Variants in CTNNA2 observed in about 807,000 individuals in gnomAD.
The protein encoded by CTNNA2 is catenin alpha 2.
A neutral mutation model predicts 101.0 loss-of-function variants in CTNNA2; 42 were observed. The ratio of observed to expected loss-of-function variants is 0.42; its 90% CI spans 0.32 to 0.54. CTNNA2 has a LOEUF of 0.54. Ranked by LOEUF, CTNNA2 falls within the 20% of genes least tolerant of loss-of-function variation. The pLI is 0.14. For synonymous variants in CTNNA2, 450 were observed against 456.4 expected (o/e 0.99, Z 0.18); for missense variants, 871 against 1,223.1 (o/e 0.71, Z 4.29).
intron 7 of CTNNA2, among the ~76,000 whole-genome samples, chr2:80,340,189 A>G (rs1272239163): frequency 6.6e-6 from 1 of 152,208 alleles, no homozygotes; most frequent in Admixed American, 6.5e-5. Flanking sequence ...GATAATAACT[A>G]TAATCTATGG....
At chr2:79,638,150 A>G (rs144358922) in intron 1 of CTNNA2, among the ~76,000 whole-genome samples, 2 of 152,344 alleles carry the variant, frequency 1.3e-5, no homozygotes, top group African/African-American at 4.8e-5. Context: ...TGTTCAGTGG[A>G]ATCATTGTTG....
intron 9 of CTNNA2, among the ~76,000 whole-genome samples, chr2:80,511,677 A>G (rs576237361): frequency 5.3e-5 from 8 of 152,336 alleles, no homozygotes; most frequent in African/African-American, 1.9e-4. Context: ...TATAGTTTAC[A>G]TAATCTGGTA....
At chr2:80,288,580 A>C (rs1674972252) in intron 7 of CTNNA2, 1 of 152,158 alleles carries the variant, frequency 6.6e-6, no homozygotes, top group South Asian at 2.1e-4. Flanking sequence ...ACCCCACCAC[A>C]CATAAACCAG....
chr2:80,609,407 A>G (rs1006911377), intron 17 of CTNNA2, among the ~76,000 whole-genome samples: 20 of 151,772 alleles, frequency 1.3e-4, no homozygotes, highest in Non-Finnish European at 4.4e-5. Context: ...CCATCTGGAA[A>G]GCCTGTTTCA....
Position 80,045,522 on chromosome 2 carries a change from CTAAA to C in CTNNA2, c.1056+135733_1056+135736del, listed in dbSNP as rs1480836724. Among the ~76,000 whole-genome samples, 3 of 152,164 alleles carry C rather than the reference CTAAA, an allele frequency of 2.0e-5. No homozygotes were observed. In the East Asian group the frequency reaches 5.8e-4, roughly 29 times the overall value. On this transcript the variant is annotated intron_variant, in intron 7 of 18. Coordinates refer to ENST00000402739, the MANE Select transcript of CTNNA2 (RefSeq NM_001282597.3). Reference sequence around the variant, plus strand: ...AGGATTTTGCAAGAATTTTGTCACACTAAATAAATAATTACAGTGAACCGCAAGT... The same window carrying C: ...AGGATTTTGCAAGAATTTTGTCACACTAAATAATTACAGTGAACCGCAAGT...
At chr2:80,000,902 A>C (rs1426129778) in intron 7 of CTNNA2, among the ~76,000 whole-genome samples, 2 of 152,148 alleles carry the variant, frequency 1.3e-5, no homozygotes, top group Non-Finnish European at 2.9e-5. Flanking sequence ...CTGCCCATTG[A>C]GATTTCAGTA....
In CTNNA2 at chr2:80,213,641, G is replaced by T. The variant is rs1388707386; in HGVS notation, c.1057-179570G>T. ...GGAGTGCTTTACTTCCAACTGTGTG[G>T]TCAATTTTGGAATAAGTGTGGTGTG... is the stretch of plus-strand genomic sequence containing the variant. On this transcript the variant is annotated intron_variant, in intron 7 of 18. Transcript: ENST00000402739. 2.0e-5 allele frequency among the ~76,000 whole-genome samples: 3 copies of T among 152,174 alleles called. No homozygotes were observed. In the South Asian group the frequency reaches 6.2e-4, roughly 32 times the overall value.
intron 4 of CTNNA2, among the ~76,000 whole-genome samples, chr2:79,434,010 A>C (rs542458628): frequency 3.9e-5 from 6 of 152,260 alleles, no homozygotes; most frequent in African/African-American, 1.4e-4. Flanking sequence ...AGAGAGGTTT[A>C]AGGCCTGGCG....
chr2:79,939,079 G>A (rs1002691965), intron 7 of CTNNA2, among the ~76,000 whole-genome samples: 6 of 152,088 alleles, frequency 3.9e-5, no homozygotes, highest in African/African-American at 1.2e-4. Flanking sequence ...TGAACTCTCC[G>A]TTATATTATA....
intron 3 of CTNNA2, among the ~76,000 whole-genome samples, chr2:79,344,673 G>A (rs1217693925): frequency 1.3e-5 from 2 of 151,674 alleles, no homozygotes; most frequent in Non-Finnish European, 1.5e-5. Context: ...AATGCTGAAA[G>A]AGCATAATGT....
intron 9 of CTNNA2, among the ~76,000 whole-genome samples, chr2:80,450,745 G>A (rs549973330): frequency 6.6e-6 from 1 of 152,114 alleles, no homozygotes; most frequent in South Asian, 2.1e-4. Context: ...GGTGTCCAAA[G>A]TAATCAAAGT....
At chr2:79,788,365 C>T (rs1172495684) in intron 3 of CTNNA2, among the ~76,000 whole-genome samples, 3 of 152,026 alleles carry the variant, frequency 2.0e-5, no homozygotes, top group Admixed American at 6.6e-5. Flanking sequence ...GAAGTGTTTG[C>T]AGAGAGGTAG....
At position 80,090,146 on chromosome 2, in the gene CTNNA2, CTGTGTGTGTGTGTGTGTGTG is replaced by C. The variant is rs35203371; in HGVS notation, c.1056+180373_1056+180392del. Among the ~76,000 whole-genome samples, 94 of 140,660 alleles carry C rather than the reference CTGTGTGTGTGTGTGTGTGTG, an allele frequency of 6.7e-4. 1 individual carries two copies. The highest frequency in any genetic ancestry group is 3.6e-3 in the Middle Eastern group (1 of 280). 92.3% of individuals were successfully genotyped at this position (140,660 alleles called of 152,430 possible). ...AAAGGAAGTTTCACTCTCTCTCTCT[CTGTGTGTGTGTGTGTGTGTG>C]TGTGTGTGTGTGTGTGTGTGTGTTT... On this transcript the variant is annotated intron_variant, in intron 7 of 18. Coordinates refer to ENST00000402739, the MANE Select transcript of CTNNA2 (RefSeq NM_001282597.3).
chr2:79,251,763 C>T (rs1238026209), intron 2 of CTNNA2, among the ~76,000 whole-genome samples: 1 of 152,132 alleles, frequency 6.6e-6, no homozygotes, highest in Non-Finnish European at 1.5e-5. Context: ...GCAGCCCTGG[C>T]TGACACCCTG....
chr2:79,374,196 T>C (rs1677933936), intron 4 of CTNNA2, among the ~76,000 whole-genome samples: 1 of 152,200 alleles, frequency 6.6e-6, no homozygotes, highest in South Asian at 2.1e-4. Context: ...AGAGAATTAC[T>C]TGTTCAAGTA....
At chr2:79,782,358 T>C (rs559929042) in intron 3 of CTNNA2, among the ~76,000 whole-genome samples, 247 of 152,258 alleles carry the variant, frequency 1.6e-3, no homozygotes, top group East Asian at 1.6e-3. Context: ...TGCCCCAGCC[T>C]CCCAAGTAGC....
intron 3 of CTNNA2, among the ~76,000 whole-genome samples, chr2:79,772,742 A>C (rs1033172590): frequency 1.3e-5 from 2 of 152,054 alleles, no homozygotes; most frequent in Admixed American, 1.3e-4. Context: ...TTTAAAAAAA[A>C]TGTGTAGAGA....
chr2:79,971,003 C>T (rs1690441812), intron 7 of CTNNA2, among the ~76,000 whole-genome samples: 1 of 152,122 alleles, frequency 6.6e-6, no homozygotes, highest in African/African-American at 2.4e-5. Context: ...CAAATGGCTT[C>T]TGTAGTCTAG....
intron 2 of CTNNA2, among the ~76,000 whole-genome samples, chr2:79,674,635 T>C (rs1683066971): frequency 6.6e-6 from 1 of 152,142 alleles, no homozygotes. Flanking sequence ...AATATCTAGT[T>C]CTCTAGTATG....
Sources: gnomAD v4.1 joint callset for allele counts (sites outside exome capture counted in the v4.1 genomes callset) on GRCh38, gnomAD v4.1.1 for gene constraint, MANE v1.5 for transcripts, NCBI Gene and HGNC (gene_info 2026-07-23, HGNC 2026-07-21) for gene names.